Variants in MAN1C1 observed in about 807,000 individuals in gnomAD.
MAN1C1 encodes mannosidase alpha class 1C member 1, also known as mannosyl-oligosaccharide 1,2-alpha-mannosidase IC.
Under a neutral mutation model 71.5 loss-of-function variants are expected in MAN1C1, and 49 were observed. The observed-to-expected ratio is 0.69, with a 90% CI of 0.54 to 0.87. MAN1C1 has a LOEUF of 0.87. Among genes scored for constraint, MAN1C1 ranks in the 40% least tolerant of loss-of-function variants. The probability of loss-of-function intolerance (pLI) is 0.00; values close to 1 mark genes in which losing one functional copy is unlikely to be tolerated. For synonymous variants in MAN1C1, 352 were observed against 343.7 expected (o/e 1.02, Z -0.27); for missense variants, 743 against 835.0 (o/e 0.89, Z 1.36).
intron 2 of MAN1C1, among the ~76,000 whole-genome samples, chr1:25,702,789 T>C (rs978202036): frequency 1.2e-4 from 18 of 152,250 alleles, no homozygotes; most frequent in African/African-American, 3.1e-4. Context: ...GCTGTCATCA[T>C]GATTACCATT....
intron 2 of MAN1C1, among the ~76,000 whole-genome samples, chr1:25,723,195 C>T (rs914992333): frequency 2.0e-5 from 3 of 152,330 alleles, no homozygotes; most frequent in African/African-American, 7.2e-5. Flanking sequence ...CAGGATGGCA[C>T]CCTGTGCCTC....
Position 25,618,061 on chromosome 1 carries a change from G to T in MAN1C1, c.264G>T (p.Ala88=). 6.4e-7 allele frequency: 1 copy of T among 1,550,422 alleles called. No homozygotes were observed. ...CGCCTCCCAACCCGGCCCCCGCCGC[G>T]CCGGCCCCGGGCGAGGATGACCCCA... ...QEPPPNPAPA[A]PAPGEDDPSS... Residue 88 remains alanine (A), a synonymous_variant, in exon 1 of 12, where the codon GCG becomes GCT. Transcript: ENST00000374332.
chr1:25,783,330 T>A (rs2124422223), intron 11 of MAN1C1, among the ~76,000 whole-genome samples: 1 of 152,006 alleles, frequency 6.6e-6, no homozygotes, highest in Non-Finnish European at 1.5e-5. Flanking sequence ...CACGTGAGAG[T>A]CAACTGGACT....
At position 25,754,878 on chromosome 1, in the gene MAN1C1, C is replaced by T. The variant is rs375741674; in HGVS notation, c.929+1300C>T. 9.3e-4 allele frequency among the ~76,000 whole-genome samples: 141 copies of T among 152,318 alleles called. 4 individuals are homozygous for T. In the South Asian group the frequency reaches 0.028, roughly 31 times the overall value. On this transcript the variant is annotated intron_variant, in intron 5 of 11. Transcript: ENST00000374332. ...GTTTGCCTGCTGTCCGTGCCGTGTG[C>T]GCATGTACATTCATGTATATTTCCT... is the stretch of plus-strand genomic sequence containing the variant.
intron 2 of MAN1C1, among the ~76,000 whole-genome samples, chr1:25,702,534 G>A (rs2046460454): frequency 6.6e-6 from 1 of 152,222 alleles, no homozygotes; most frequent in South Asian, 2.1e-4. Context: ...TGGGGAGGAA[G>A]CAAAACCCTG....
In MAN1C1 at chr1:25,711,670, C is replaced by T. The variant is rs2046614937; in HGVS notation, c.637+25134C>T. Among the ~76,000 whole-genome samples the T allele has an allele frequency of 6.6e-6, 1 of 151,364 alleles. No homozygotes were observed. Among genetic ancestry groups the T allele is most frequent in the Non-Finnish European group, 1.5e-5 (1 of 67,824 alleles). On this transcript the variant is annotated intron_variant, in intron 2 of 11. Transcript: ENST00000374332. The surrounding 1 kb of genome is among the most constrained non-coding windows in gnomAD (Gnocchi z 4.3). ...CCCGCCCCTCCTCCCTGCGGCCCCG[C>T]CCCTCCCCTGCGTGCTGCAAGCCTG...
chr1:25,682,013 A>T (rs144612861), intron 1 of MAN1C1, among the ~76,000 whole-genome samples: 16 of 152,172 alleles, frequency 1.1e-4, no homozygotes, highest in African/African-American at 3.9e-4. Flanking sequence ...GTGTCTTTAT[A>T]TTTCAGCCTG....
In MAN1C1 at chr1:25,745,419, G is replaced by A. The variant is rs150413586; in HGVS notation, c.638-1249G>A. ...GAAATCAAAAGGCACCTGTAATCCCGGCACTCAGAGGTAGTCAGTGGGTCA... is the reference window on the plus strand; with the variant it reads ...GAAATCAAAAGGCACCTGTAATCCCAGCACTCAGAGGTAGTCAGTGGGTCA... On this transcript the variant is annotated intron_variant, in intron 2 of 11. Transcript: ENST00000374332. 5.1e-3 allele frequency among the ~76,000 whole-genome samples: 778 copies of A among 151,950 alleles called. 5 individuals are homozygous for A. Among genetic ancestry groups the A allele is most frequent in the Non-Finnish European group, 7.6e-3 (518 of 67,972 alleles).
intron 1 of MAN1C1, among the ~76,000 whole-genome samples, chr1:25,641,003 G>A (rs2045529423): frequency 6.6e-6 from 1 of 152,186 alleles, no homozygotes. Context: ...CGGGATTCAG[G>A]TTTGTGAGCT....
chr1:25,739,612 G>A lies in MAN1C1; in HGVS notation c.638-7056G>A, dbSNP rs1004809763. ...GGGTGGGATACAGACCGTGATCCAG[G>A]GAGGCAGGCTGGTTCCTGGCTCAGC... is the stretch of plus-strand genomic sequence containing the variant. On this transcript the variant is annotated intron_variant, in intron 2 of 11. Coordinates refer to ENST00000374332, the MANE Select transcript of MAN1C1 (RefSeq NM_020379.4). Among the ~76,000 whole-genome samples, 8 of 152,290 alleles carry A rather than the reference G, an allele frequency of 5.3e-5. 1 individual carries two copies. The highest frequency in any genetic ancestry group is 1.7e-4 in the African/African-American group (7 of 41,550).
chr1:25,645,254 C>T (rs2045597322), intron 1 of MAN1C1: 1 of 152,506 alleles, frequency 6.6e-6, no homozygotes, highest in Admixed American at 6.5e-5. Context: ...CACCATTCCA[C>T]CTCTGCCAAG....
intron 1 of MAN1C1, among the ~76,000 whole-genome samples, chr1:25,682,883 T>G (rs1238126835): frequency 2.0e-5 from 3 of 151,746 alleles, no homozygotes; most frequent in Non-Finnish European, 4.4e-5. Flanking sequence ...ACTAAAAATA[T>G]AAAAATTAGC....
intron 2 of MAN1C1, among the ~76,000 whole-genome samples, chr1:25,703,471 C>T (rs940617869): frequency 6.6e-6 from 1 of 152,152 alleles, no homozygotes; most frequent in Non-Finnish European, 1.5e-5. Flanking sequence ...CACCTGAGGT[C>T]GGGAGTTCGA....
rs943286713 is a variant in MAN1C1, at chr1:25,753,792, A to T, written c.929+214A>T. Reference sequence around the variant, plus strand: ...CATACCTACCTTGGGAGCCACAGTGAGTCGGTGGCACGGTGAAAGTGCCAG... The same window carrying T: ...CATACCTACCTTGGGAGCCACAGTGTGTCGGTGGCACGGTGAAAGTGCCAG... On this transcript the variant is annotated intron_variant, in intron 5 of 11. Coordinates refer to ENST00000374332, the MANE Select transcript of MAN1C1 (RefSeq NM_020379.4). This position sits in a 1 kb window ranked among gnomAD's most constrained non-coding sequence, Gnocchi z 4.9. 5.3e-5 allele frequency among the ~76,000 whole-genome samples: 8 copies of T among 152,150 alleles called. No individual in the cohort carries two copies. Among genetic ancestry groups the T allele is most frequent in the Non-Finnish European group, 4.4e-5 (3 of 68,020 alleles).
At chr1:25,704,122 G>T (rs2744784) in intron 2 of MAN1C1, among the ~76,000 whole-genome samples, 1 of 152,100 alleles carries the variant, frequency 6.6e-6, no homozygotes, top group Admixed American at 6.5e-5. Context: ...AAGCAGTCCC[G>T]CAGTGTTTCA....
chr1:25,774,720 G>A (rs1042670928), intron 8 of MAN1C1, among the ~76,000 whole-genome samples: 7 of 152,008 alleles, frequency 4.6e-5, no homozygotes, highest in Admixed American at 3.3e-4. Flanking sequence ...CTCCTAAATC[G>A]CAGAGCTGAG....
Position 25,778,871 on chromosome 1 carries a change from G to A in MAN1C1, c.1477+547G>A, listed in dbSNP as rs922307466. Among the ~76,000 whole-genome samples the A allele has an allele frequency of 3.3e-5, 5 of 152,134 alleles. No homozygotes were observed. Among genetic ancestry groups the A allele is most frequent in the Non-Finnish European group, 7.3e-5 (5 of 68,032 alleles). ...TCCTCCCCACCCACCACTCACCACT[G>A]AATTGTCCGATGCTAGAATCAGAGG... On this transcript the variant is annotated intron_variant, in intron 9 of 11. Transcript: ENST00000374332. The surrounding 1 kb of genome is among the most constrained non-coding windows in gnomAD (Gnocchi z 5.5).
chr1:25,763,071 C>A (rs1396352882), intron 6 of MAN1C1, among the ~76,000 whole-genome samples: 1 of 152,038 alleles, frequency 6.6e-6, no homozygotes, highest in Non-Finnish European at 1.5e-5. Flanking sequence ...AGTTCGAGAC[C>A]AGCCTGGCCA....
At chr1:25,758,231 C>T (rs807255) in intron 5 of MAN1C1, among the ~76,000 whole-genome samples, 129,906 of 152,212 alleles carry the variant, frequency 0.85, 55,820 homozygotes, top group East Asian at 0.99. Context: ...GGACAGCAAC[C>T]GGGTGTTCTG....
Sources: allele counts gnomAD v4.1 joint callset (sites outside exome capture counted in the v4.1 genomes callset), GRCh38; gene constraint gnomAD v4.1.1; non-coding constraint Gnocchi (gnomAD v3.1); transcripts MANE v1.5; gene names NCBI Gene and HGNC (gene_info 2026-07-23, HGNC 2026-07-21).